The following NEGR1 variants were observed in gnomAD, a reference collection of about 807,000 sequenced individuals.
The protein encoded by NEGR1 is IgLON family member 4.
A neutral mutation model predicts 40.9 loss-of-function variants in NEGR1; 10 were observed. The observed-to-expected ratio is 0.24, with a 90% CI of 0.15 to 0.42. The LOEUF is 0.42. NEGR1 is among the 10% of genes least tolerant of loss of function. The probability of loss-of-function intolerance (pLI) is 1.00; values close to 1 mark genes in which losing one functional copy is unlikely to be tolerated. For missense variants in NEGR1, 352 were observed against 438.9 expected (o/e 0.80, Z 1.77); for synonymous variants, 185 against 166.8 (o/e 1.11, Z -0.84).
At chr1:71,988,700 A>C (rs1646423985) in intron 1 of NEGR1, among the ~76,000 whole-genome samples, 1 of 152,014 alleles carries the variant, frequency 6.6e-6, no homozygotes, top group Non-Finnish European at 1.5e-5. Context: ...AGTTAAATAC[A>C]TGTGTAGGTT....
At chr1:71,786,381 C>T (rs1656908600) in intron 2 of NEGR1, among the ~76,000 whole-genome samples, 2 of 152,084 alleles carry the variant, frequency 1.3e-5, no homozygotes, top group South Asian at 2.1e-4. Context: ...AAATAGTGTG[C>T]CCTTCTCAAC....
chr1:72,193,011 C>A (rs986175922), intron 1 of NEGR1, among the ~76,000 whole-genome samples: 1 of 151,472 alleles, frequency 6.6e-6, no homozygotes. Flanking sequence ...TTTTGAATAC[C>A]AGGACAAAGG....
intron 2 of NEGR1, among the ~76,000 whole-genome samples, chr1:71,810,570 G>A (rs1406159115): frequency 6.6e-6 from 1 of 152,088 alleles, no homozygotes; most frequent in East Asian, 1.9e-4. Flanking sequence ...TATTGATATG[G>A]TTTGGATTCC....
intron 4 of NEGR1, among the ~76,000 whole-genome samples, chr1:71,636,161 T>TA (rs1220905065): frequency 1.3e-5 from 2 of 152,094 alleles, no homozygotes; most frequent in African/African-American, 4.8e-5. Flanking sequence ...AACATTTTGT[T>TA]AAAAATATAT....
chr1:72,198,943 C>T (rs1653100034), intron 1 of NEGR1, among the ~76,000 whole-genome samples: 1 of 151,446 alleles, frequency 6.6e-6, no homozygotes, highest in Admixed American at 6.6e-5. Context: ...TATTCCTTAC[C>T]CAGTCTCCCC....
At chr1:72,105,066 A>C (rs968842102) in intron 1 of NEGR1, among the ~76,000 whole-genome samples, 4 of 152,164 alleles carry the variant, frequency 2.6e-5, no homozygotes, top group Admixed American at 1.3e-4. Flanking sequence ...ATAACGAGAC[A>C]AAACTGTGTA....
chr1:71,610,746 G>A (rs1353356737), intron 5 of NEGR1, among the ~76,000 whole-genome samples: 1 of 152,094 alleles, frequency 6.6e-6, no homozygotes, highest in African/African-American at 2.4e-5. Context: ...AAACTGAGTT[G>A]CCAGCAACTC....
intron 2 of NEGR1, among the ~76,000 whole-genome samples, chr1:71,829,880 T>C (rs1046814513): frequency 1.3e-5 from 2 of 151,972 alleles, no homozygotes; most frequent in Non-Finnish European, 1.5e-5. Flanking sequence ...CTTTTATTAC[T>C]TAAAATAACT....
chr1:71,633,823 T>A (rs1651053718), intron 4 of NEGR1, among the ~76,000 whole-genome samples: 1 of 152,094 alleles, frequency 6.6e-6, no homozygotes, highest in African/African-American at 2.4e-5. Context: ...GAGGAAGTTG[T>A]ACAAAAGCAC....
intron 2 of NEGR1, among the ~76,000 whole-genome samples, chr1:71,811,127 A>C (rs1657986897): frequency 6.6e-6 from 1 of 152,138 alleles, no homozygotes; most frequent in Non-Finnish European, 1.5e-5. Flanking sequence ...TAACTGAAGG[A>C]GTCTGCACAA....
At chr1:71,610,558 A>G (rs965484684) in intron 5 of NEGR1, among the ~76,000 whole-genome samples, 1 of 152,186 alleles carries the variant, frequency 6.6e-6, no homozygotes, top group Non-Finnish European at 1.5e-5. Context: ...GTGACAGAAT[A>G]TCTAAAACAT....
intron 1 of NEGR1, among the ~76,000 whole-genome samples, chr1:72,073,783 C>T (rs1167855632): frequency 6.7e-6 from 1 of 150,322 alleles, no homozygotes; most frequent in Non-Finnish European, 1.5e-5. Context: ...ATGGCTACTG[C>T]AGTAAATCAT....
chr1:72,219,360 T>C (rs950720835), intron 1 of NEGR1, among the ~76,000 whole-genome samples: 1 of 152,100 alleles, frequency 6.6e-6, no homozygotes, highest in Non-Finnish European at 1.5e-5. Context: ...ATCATAATGG[T>C]CACATTATGC....
intron 4 of NEGR1, among the ~76,000 whole-genome samples, chr1:71,640,114 T>C (rs1651300020): frequency 6.6e-6 from 1 of 152,044 alleles, no homozygotes; most frequent in African/African-American, 2.4e-5. Flanking sequence ...ATATTTGCAA[T>C]GTGAATGAAC....
chr1:72,121,490 C>T (rs1232033184), intron 1 of NEGR1, among the ~76,000 whole-genome samples: 1 of 151,880 alleles, frequency 6.6e-6, no homozygotes, highest in African/African-American at 2.4e-5. Context: ...CATTAGTCAA[C>T]ATCTCTTAAG....
intron 3 of NEGR1, among the ~76,000 whole-genome samples, chr1:71,728,677 T>C (rs1654755418): frequency 6.6e-6 from 1 of 152,198 alleles, no homozygotes; most frequent in African/African-American, 2.4e-5. Context: ...GAACTTCATA[T>C]TACTCCTCTG....
intron 1 of NEGR1, among the ~76,000 whole-genome samples, chr1:72,268,770 A>G (rs1655741025): frequency 6.6e-6 from 1 of 151,662 alleles, no homozygotes; most frequent in Non-Finnish European, 1.5e-5. Flanking sequence ...GCTGTTGACT[A>G]TGTCTGTTAC....
chr1:71,493,128 A>G (rs34698400), intron 6 of NEGR1, among the ~76,000 whole-genome samples: 3 of 152,102 alleles, frequency 2.0e-5, no homozygotes, highest in African/African-American at 7.2e-5. Flanking sequence ...TTCTACAGTC[A>G]TTACCATCGC....
chr1:71,557,470 G>A (rs1214973327), intron 6 of NEGR1, among the ~76,000 whole-genome samples: 2 of 151,504 alleles, frequency 1.3e-5, no homozygotes, highest in African/African-American at 4.8e-5. Context: ...TAAATGTGAG[G>A]GAGAAAGCAA....
Sources: gnomAD v4.1 joint callset for allele counts (sites outside exome capture counted in the v4.1 genomes callset) on GRCh38, gnomAD v4.1.1 for gene constraint, MANE v1.5 for transcripts, NCBI Gene and HGNC (gene_info 2026-07-23, HGNC 2026-07-21) for gene names.